RCL1: variants seen among roughly 807,000 people sequenced by gnomAD.
RCL1 encodes the protein RNA 3'-terminal phosphate cyclase-like protein.
Under a neutral mutation model 42.4 loss-of-function variants are expected in RCL1, and 24 were observed. That is an observed-to-expected ratio of 0.57 (90% confidence interval 0.41 to 0.80). RCL1 has a LOEUF of 0.80. Among genes scored for constraint, RCL1 ranks in the 30% least tolerant of loss-of-function variants. The pLI is 0.00. For synonymous variants in RCL1, 228 were observed against 177.3 expected (o/e 1.29, Z -2.27); for missense variants, 578 against 467.9 (o/e 1.24, Z -2.17).
intron 8 of RCL1, among the ~76,000 whole-genome samples, chr9:4,855,887 A>G (rs1171404027): frequency 6.6e-6 from 1 of 152,132 alleles, no homozygotes; most frequent in Non-Finnish European, 1.5e-5. Flanking sequence ...TGCACACTTG[A>G]GCCTGTGTTC....
At chr9:4,853,705 T>G (rs1316605143) in intron 8 of RCL1, among the ~76,000 whole-genome samples, 1 of 152,236 alleles carries the variant, frequency 6.6e-6, no homozygotes, top group Non-Finnish European at 1.5e-5. Context: ...GATGCCATGC[T>G]ACATCTTTTC....
intron 2 of RCL1, among the ~76,000 whole-genome samples, chr9:4,826,138 T>C (rs1223989745): frequency 6.6e-6 from 1 of 152,012 alleles, no homozygotes; most frequent in Non-Finnish European, 1.5e-5. Flanking sequence ...GTCCCAGCTA[T>C]TCTGGAGGCT....
chr9:4,814,148 A>T (rs923021086), intron 1 of RCL1, among the ~76,000 whole-genome samples: 4 of 152,050 alleles, frequency 2.6e-5, no homozygotes, highest in East Asian at 1.9e-4. Flanking sequence ...AGTATAATTT[A>T]AAAAAATACA....
chr9:4,845,946 C>T (rs1817496470), intron 7 of RCL1, among the ~76,000 whole-genome samples: 1 of 152,212 alleles, frequency 6.6e-6, no homozygotes, highest in African/African-American at 2.4e-5. Context: ...TAGCAAAAAT[C>T]ACATCTGAGC....
intron 5 of RCL1, among the ~76,000 whole-genome samples, chr9:4,836,232 T>G (rs1587720395): frequency 1.3e-5 from 2 of 149,944 alleles, no homozygotes; most frequent in Admixed American, 6.6e-5. Context: ...GAGGGAGGAG[T>G]AGAGAACGTG....
intron 7 of RCL1, among the ~76,000 whole-genome samples, chr9:4,847,386 C>T (rs968720086): frequency 9.9e-5 from 15 of 152,054 alleles, no homozygotes; most frequent in African/African-American, 3.6e-4. Context: ...AAAAATCCAT[C>T]CCTTTTGAAG....
intron 1 of RCL1, 49 bp from the exon 2 acceptor site, chr9:4,823,499 T>C: frequency 4.9e-6 from 7 of 1,434,252 alleles, no homozygotes; most frequent in Non-Finnish European, 6.8e-6. Flanking sequence ...TGACCTGACA[T>C]GAGGACAGTC....
chr9:4,817,522 A>G lies in RCL1; in HGVS notation c.137-6026A>G, dbSNP rs533910348. ...AGGGTCTGGCTCTGTCATCCAGGCC[A>G]CAGTGCAGTGGCTCCATCATGGCTC... On this transcript the variant is annotated intron_variant, in intron 1 of 8. Coordinates refer to ENST00000381750, the MANE Select transcript of RCL1 (RefSeq NM_005772.5). Among the ~76,000 whole-genome samples the G allele has an allele frequency of 2.0e-5, 3 of 148,326 alleles. No individual in the cohort carries two copies. The East Asian group carries it at 5.9e-4, about 29-fold the overall frequency.
chr9:4,801,953 C>T (rs891921932), intron 1 of RCL1, among the ~76,000 whole-genome samples: 16 of 151,768 alleles, frequency 1.1e-4, no homozygotes, highest in Admixed American at 8.5e-4. Flanking sequence ...GCTCTGTTGC[C>T]GCTGGAGTGC....
chr9:4,793,510 C>T (rs971005053), intron 1 of RCL1, among the ~76,000 whole-genome samples: 1 of 152,232 alleles, frequency 6.6e-6, no homozygotes, highest in South Asian at 2.1e-4. Context: ...GCAACAAATC[C>T]CTGGCGTCGC....
chr9:4,809,343 C>T (rs1356306063), intron 1 of RCL1, among the ~76,000 whole-genome samples: 2 of 151,372 alleles, frequency 1.3e-5, no homozygotes, highest in Non-Finnish European at 2.9e-5. Context: ...TGGAGTCTTG[C>T]TCTGTCGCCA....
intron 8 of RCL1, among the ~76,000 whole-genome samples, chr9:4,856,977 C>G (rs1015000808): frequency 2.0e-5 from 3 of 152,206 alleles, no homozygotes; most frequent in Admixed American, 2.0e-4. Flanking sequence ...GAGGGAAATT[C>G]ATCAAGGCAG....
rs1817456275 is a variant in RCL1 at position 4,844,780 on chromosome 9, G to A, written c.867+99G>A. The A allele has an allele frequency of 5.8e-6, 7 of 1,207,272 alleles. No homozygotes were observed. The East Asian group carries it at 1.2e-4, about 21-fold the overall frequency. 74.8% of individuals were successfully genotyped at this position (1,207,272 alleles called of 1,614,324 possible). A position where few individuals can be genotyped will look rare whatever the true frequency, so the allele number is the denominator to read the frequency against. The stretch of plus-strand genomic sequence containing the variant: ...CTTTCGTCCTCTTCCAAGGGCTCAA[G>A]CCAAGGAGATAATCTGTTCCTGTGC... On this transcript the variant is annotated intron_variant, in intron 7 of 8. Coordinates refer to ENST00000381750, the MANE Select transcript of RCL1 (RefSeq NM_005772.5).
chr9:4,798,399 C>A (rs1842946969), intron 1 of RCL1, among the ~76,000 whole-genome samples: 1 of 152,176 alleles, frequency 6.6e-6, no homozygotes, highest in South Asian at 2.1e-4. Flanking sequence ...CTGCTACTAC[C>A]CAGGATCCTG....
intron 1 of RCL1, among the ~76,000 whole-genome samples, chr9:4,815,495 A>G (rs1289980869): frequency 6.6e-6 from 1 of 151,576 alleles, no homozygotes; most frequent in Non-Finnish European, 1.5e-5. Flanking sequence ...TTTATCCAGG[A>G]AGCATCAGAT....
Position 4,832,628 on chromosome 9 carries a change from T to A in RCL1, c.385-526T>A, listed in dbSNP as rs967176752. On this transcript the variant is annotated intron_variant, in intron 3 of 8. Transcript: ENST00000381750. ...ATTGAGACCATCCTGGCCAACATGG[T>A]GAAACCCCGTCTCTACTAAAAATAC... is the stretch of plus-strand genomic sequence containing the variant. 2.6e-5 allele frequency among the ~76,000 whole-genome samples: 4 copies of A among 151,578 alleles called. No individual in the cohort carries two copies. The East Asian group carries it at 7.8e-4, about 29-fold the overall frequency.
chr9:4,852,598 T>TA (rs1817789461), intron 8 of RCL1, among the ~76,000 whole-genome samples: 1 of 152,040 alleles, frequency 6.6e-6, no homozygotes, highest in Non-Finnish European at 1.5e-5. Flanking sequence ...CATTTGTAGA[T>TA]AAGGTGCGTG....
rs372629653 is a variant in RCL1 at position 4,857,410 on chromosome 9, G to A, written c.972-2715G>A. Among the ~76,000 whole-genome samples, 62 of 152,102 alleles carry A rather than the reference G, an allele frequency of 4.1e-4. 2 individuals are homozygous for A. The South Asian group carries it at 0.011, about 27-fold the overall frequency. On this transcript the variant is annotated intron_variant, in intron 8 of 8. Transcript: ENST00000381750. ...CTTTCACTTAGCATAATGTTTTCAG[G>A]GTTCATTGATGTAGCACGTATCAGT...
chr9:4,801,012 C>T (rs1842991654), intron 1 of RCL1, among the ~76,000 whole-genome samples: 1 of 152,128 alleles, frequency 6.6e-6, no homozygotes, highest in Non-Finnish European at 1.5e-5. Flanking sequence ...TCTCTGCATC[C>T]TTTCTAGCAT....
Sources: allele counts gnomAD v4.1 joint callset (sites outside exome capture counted in the v4.1 genomes callset), GRCh38; gene constraint gnomAD v4.1.1; transcripts MANE v1.5; gene names NCBI Gene and HGNC (gene_info 2026-07-23, HGNC 2026-07-21).